PAX7: variants seen among roughly 807,000 people sequenced by gnomAD.
PAX7 encodes paired box 7.
In PAX7, 18 loss-of-function variants were observed where a neutral mutation model predicts 50.7. The observed-to-expected ratio is 0.36, with a 90% CI of 0.25 to 0.53. The LOEUF (loss-of-function observed/expected upper bound fraction) is 0.53, where lower values mean the gene tolerates loss of function less well. Among genes scored for constraint, PAX7 ranks in the 20% least tolerant of loss-of-function variants. PAX7 has a pLI of 0.93. For synonymous variants in PAX7, 310 were observed against 290.4 expected, an observed-to-expected ratio of 1.07 and a Z score of -0.69; for missense variants, 644 against 702.9, an observed-to-expected ratio of 0.92 and a Z score of 0.95.
Position 18,735,165 on chromosome 1 carries a change from A to G in PAX7, c.1156-467A>G, listed in dbSNP as rs1252644633. ...ACACACAGTGACAGCAGACAGATCA[A>G]GAGTCCTGCTGTAATGTTTGTGTTA... On this transcript the variant is annotated intron_variant, in intron 7 of 8. Transcript: ENST00000420770. The surrounding 1 kb of genome is among the most constrained non-coding windows in gnomAD (Gnocchi z 4.0). 1.3e-5 allele frequency among the ~76,000 whole-genome samples: 2 copies of G among 152,204 alleles called. No individual in the cohort carries two copies. Among genetic ancestry groups the G allele is most frequent in the Non-Finnish European group, 2.9e-5 (2 of 68,040 alleles).
intron 4 of PAX7, among the ~76,000 whole-genome samples, chr1:18,659,876 G>C (rs1340725293): frequency 2.0e-5 from 3 of 152,214 alleles, no homozygotes; most frequent in Non-Finnish European, 2.9e-5. Flanking sequence ...ACAAGGAACG[G>C]CCTCAACCTC....
intron 7 of PAX7, among the ~76,000 whole-genome samples, chr1:18,714,559 C>T (rs1351175901): frequency 2.0e-5 from 3 of 152,226 alleles, no homozygotes; most frequent in African/African-American, 7.2e-5. Context: ...ATCCAAGTTT[C>T]CTCTAGACTC....
chr1:18,725,976 A>AAG (rs1312474706), intron 7 of PAX7, among the ~76,000 whole-genome samples: 49 of 119,080 alleles, frequency 4.1e-4, no homozygotes, highest in African/African-American at 1.9e-3. Context: ...CAGACATTGG[A>AAG]AGAGTGTGTG....
intron 4 of PAX7, among the ~76,000 whole-genome samples, chr1:18,652,114 G>A (rs572935505): frequency 1.7e-4 from 26 of 152,084 alleles, no homozygotes; most frequent in African/African-American, 5.8e-4. Context: ...AGGCTGGGCC[G>A]GCTGGGCCCA....
At chr1:18,724,487 C>T (rs564487709) in intron 7 of PAX7, among the ~76,000 whole-genome samples, 58 of 152,330 alleles carry the variant, frequency 3.8e-4, no homozygotes, top group Admixed American at 1.4e-3. Context: ...TCCGTAACTT[C>T]GAGGGACAGC....
rs938998308 is a variant in PAX7 at position 18,632,211 on chromosome 1, G to C, written c.85+523G>C. 1.3e-5 allele frequency among the ~76,000 whole-genome samples: 2 copies of C among 152,132 alleles called. No homozygotes were observed. Among genetic ancestry groups the C allele is most frequent in the Non-Finnish European group, 2.9e-5 (2 of 68,038 alleles). On this transcript the variant is annotated intron_variant, in intron 1 of 8. Transcript: ENST00000420770. The surrounding 1 kb of genome is among the most constrained non-coding windows in gnomAD (Gnocchi z 6.3). ...TCCGAAGCCACAGTCAAACACTCCT[G>C]CTTTTCCGCCTGGAAACAAACTAAT...
At position 18,746,918 on chromosome 1, in the gene PAX7, T is replaced by G. The variant is rs1206359889; in HGVS notation, c.*1989T>G. Reference sequence around the variant, plus strand: ...AACTGGGGACAAACAGACTCTTTGGTAGCAGCAGACACATGTGATCCATCA... The same window carrying G: ...AACTGGGGACAAACAGACTCTTTGGGAGCAGCAGACACATGTGATCCATCA... On this transcript the variant is annotated 3_prime_UTR_variant, in exon 9 of 9. Transcript: ENST00000420770. 1 of 231,658 alleles carries G rather than the reference T, an allele frequency of 4.3e-6. No individual in the cohort carries two copies. The highest frequency in any genetic ancestry group is 8.5e-6 in the Non-Finnish European group (1 of 117,110). 14.4% of individuals were successfully genotyped at this position (231,658 alleles called of 1,614,324 possible).
At chr1:18,727,348 AT>A (rs2089585525) in intron 7 of PAX7, among the ~76,000 whole-genome samples, 1 of 90,006 alleles carries the variant, frequency 1.1e-5, no homozygotes, top group Non-Finnish European at 2.3e-5. Flanking sequence ...ACACTCTCTC[AT>A]CCTCTCTCTC....
At chr1:18,658,261 C>A (rs6672817) in intron 4 of PAX7, among the ~76,000 whole-genome samples, 12 of 151,758 alleles carry the variant, frequency 7.9e-5, no homozygotes, top group East Asian at 3.9e-4. Flanking sequence ...CCCCTCCCCC[C>A]ACAAAGGTCC....
chr1:18,662,912 AAG>A (rs1210938658), intron 4 of PAX7, among the ~76,000 whole-genome samples: 1 of 94,374 alleles, frequency 1.1e-5, no homozygotes, highest in Non-Finnish European at 2.1e-5. Flanking sequence ...TATTATTGTG[AAG>A]AAAAAAAAAA....
chr1:18,719,051 G>A (rs367897645), intron 7 of PAX7, among the ~76,000 whole-genome samples: 2 of 152,176 alleles, frequency 1.3e-5, no homozygotes, highest in African/African-American at 2.4e-5. Flanking sequence ...GAGTTAACTG[G>A]CTGTCTCATT....
intron 4 of PAX7, among the ~76,000 whole-genome samples, chr1:18,643,797 C>T (rs1035363878): frequency 6.6e-6 from 1 of 152,312 alleles, no homozygotes; most frequent in Admixed American, 6.5e-5. Context: ...GCGATCCTGC[C>T]GCTTAATTAG....
At chr1:18,708,055 G>A (rs1248472207) in intron 7 of PAX7, among the ~76,000 whole-genome samples, 2 of 152,100 alleles carry the variant, frequency 1.3e-5, no homozygotes, top group African/African-American at 4.8e-5. Flanking sequence ...AATAGGATTA[G>A]GGATTAGGCA....
At chr1:18,666,706 G>A (rs1031254871) in intron 4 of PAX7, among the ~76,000 whole-genome samples, 3 of 152,174 alleles carry the variant, frequency 2.0e-5, no homozygotes, top group African/African-American at 7.2e-5. Flanking sequence ...CCCATTGCCC[G>A]GCAAAGTCCT....
At chr1:18,672,432 T>C (rs971117002) in intron 4 of PAX7, among the ~76,000 whole-genome samples, 1 of 152,012 alleles carries the variant, frequency 6.6e-6, no homozygotes, top group African/African-American at 2.4e-5. Flanking sequence ...ATTGTAAGGG[T>C]GCGCCATGCA....
chr1:18,705,381 G>A (rs971565040), intron 7 of PAX7, among the ~76,000 whole-genome samples: 1 of 152,182 alleles, frequency 6.6e-6, no homozygotes. Flanking sequence ...GTGGCTTGGT[G>A]GTACAAAACA....
chr1:18,682,635 G>A (rs1368961177), intron 4 of PAX7, among the ~76,000 whole-genome samples: 1 of 152,164 alleles, frequency 6.6e-6, no homozygotes, highest in Admixed American at 6.5e-5. Context: ...CCCTGGGCAA[G>A]TCCCTGAGAC....
At chr1:18,723,717 C>T (rs2089522022) in intron 7 of PAX7, among the ~76,000 whole-genome samples, 1 of 152,168 alleles carries the variant, frequency 6.6e-6, no homozygotes, top group Non-Finnish European at 1.5e-5. Context: ...GCACCCATGG[C>T]GGGGGGACCC....
chr1:18,745,292 C>T lies in PAX7; in HGVS notation c.*363C>T. 1 of 311,878 alleles carries T rather than the reference C, an allele frequency of 3.2e-6. No homozygotes were observed. The highest frequency in any genetic ancestry group is 6.0e-6 in the Non-Finnish European group (1 of 166,038). The allele number at this position is 311,878 out of a possible 1,614,324, so 19.3% of individuals were successfully genotyped here. A position where few individuals can be genotyped will look rare whatever the true frequency, so the allele number is the denominator to read the frequency against. The stretch of plus-strand genomic sequence containing the variant: ...GGATGGTGCCTGAGAGGAGGTCCTA[C>T]AGCCCTTTGGACCCAACTCCAGTGG... On this transcript the variant is annotated 3_prime_UTR_variant, in exon 9 of 9. Transcript: ENST00000420770.
Sources: gnomAD v4.1 joint callset for allele counts (sites outside exome capture counted in the v4.1 genomes callset) on GRCh38, gnomAD v4.1.1 for gene constraint, Gnocchi (gnomAD v3.1) non-coding constraint, MANE v1.5 for transcripts, NCBI Gene and HGNC (gene_info 2026-07-23, HGNC 2026-07-21) for gene names.